Variants in RSPO2 observed in about 807,000 individuals in gnomAD.
The protein encoded by RSPO2 is R-spondin 2.
RSPO2 carries 14 observed loss-of-function variants against 30.9 expected under a neutral mutation model. The observed-to-expected ratio is 0.45, with a 90% CI of 0.30 to 0.71. The LOEUF (loss-of-function observed/expected upper bound fraction) is 0.71. Ranked by LOEUF, RSPO2 falls within the 30% of genes least tolerant of loss-of-function variation. The pLI is 0.08. For missense variants in RSPO2, 264 were observed against 301.9 expected (o/e 0.87, Z 0.93); for synonymous variants, 107 against 96.4 (o/e 1.11, Z -0.64).
chr8:108,081,439 A>G (rs140115465), intron 2 of RSPO2, among the ~76,000 whole-genome samples: 15 of 152,350 alleles, frequency 9.8e-5, no homozygotes, highest in African/African-American at 3.1e-4. Context: ...CCGGCGACAA[A>G]TTCTAATTGC....
At chr8:107,936,263 C>A (rs1451641407) in intron 5 of RSPO2, among the ~76,000 whole-genome samples, 3 of 152,206 alleles carry the variant, frequency 2.0e-5, no homozygotes, top group Admixed American at 6.5e-5. Context: ...CATGTTATTG[C>A]AAAATGATGA....
At chr8:108,060,104 C>T (rs531860891) in intron 2 of RSPO2, among the ~76,000 whole-genome samples, 21 of 151,814 alleles carry the variant, frequency 1.4e-4, no homozygotes, top group African/African-American at 4.4e-4. Flanking sequence ...CCAGCATGGT[C>T]GGAGCAGAAG....
intron 2 of RSPO2, among the ~76,000 whole-genome samples, chr8:108,022,790 T>C (rs1052863547): frequency 8.6e-5 from 13 of 151,942 alleles, no homozygotes; most frequent in African/African-American, 3.1e-4. Context: ...CCGGGCGTGG[T>C]GGCGCATGCC....
chr8:108,081,933 C>T, intron 2 of RSPO2: 1 of 983,354 alleles, frequency 1.0e-6, no homozygotes, highest in Non-Finnish European at 1.2e-6. Context: ...AAGTTCCCAT[C>T]TCGTCGCAGT....
chr8:107,949,875 T>A (rs1417936044), intron 5 of RSPO2, among the ~76,000 whole-genome samples: 2 of 152,334 alleles, frequency 1.3e-5, no homozygotes, highest in African/African-American at 4.8e-5. Flanking sequence ...ATGATTTTTT[T>A]AAAGTCCTGA....
In RSPO2 at chr8:107,899,536, A is replaced by C. The variant is rs1181487740; in HGVS notation, c.*1539T>G. 6.6e-6 allele frequency: 1 copy of C among 152,630 alleles called. No homozygotes were observed. The highest frequency in any genetic ancestry group is 1.5e-5 in the Non-Finnish European group (1 of 68,034). The allele number at this position is 152,630 out of a possible 1,614,324, so 9.5% of individuals were successfully genotyped here. ...CTTATTATCTCATAGCAATATTTTC[A>C]TAACGATGTATATGATATTTATCCT... On this transcript the variant is annotated 3_prime_UTR_variant, in exon 6 of 6. Transcript: ENST00000276659.
chr8:108,008,375 G>T (rs1279265725), intron 2 of RSPO2, among the ~76,000 whole-genome samples: 1 of 152,080 alleles, frequency 6.6e-6, no homozygotes, highest in Non-Finnish European at 1.5e-5. Flanking sequence ...ATCACTGTTG[G>T]GTAGCCTGTG....
intron 2 of RSPO2, among the ~76,000 whole-genome samples, chr8:108,021,444 T>C (rs1811054434): frequency 6.6e-6 from 1 of 152,200 alleles, no homozygotes; most frequent in Admixed American, 6.5e-5. Context: ...TCCTCCATAC[T>C]TAAGGCCCAT....
In RSPO2 at chr8:108,021,594, G is replaced by A. The variant is rs191404342; in HGVS notation, c.95-32350C>T. On this transcript the variant is annotated intron_variant, in intron 2 of 5. Transcript: ENST00000276659. ...GTGCTAATACCCTCCAGTGTGCTAG[G>A]GAGAAAAAGGGGGCATATCTTCCAC... Among the ~76,000 whole-genome samples, 545 of 152,140 alleles carry A rather than the reference G, an allele frequency of 3.6e-3. 8 individuals are homozygous for A. The highest frequency in any genetic ancestry group is 0.03 in the Admixed American group (463 of 15,294).
At chr8:108,056,868 C>G (rs1812264661) in intron 2 of RSPO2, among the ~76,000 whole-genome samples, 1 of 149,884 alleles carries the variant, frequency 6.7e-6, no homozygotes, top group Non-Finnish European at 1.5e-5. Context: ...CCAACCTGGC[C>G]AACATGGTGA....
intron 3 of RSPO2, chr8:107,982,999 C>T: frequency 1.5e-6 from 1 of 645,654 alleles, no homozygotes; most frequent in Non-Finnish European, 2.5e-6. Context: ...ACGACTGGCT[C>T]CTGGGGTGCA....
intron 2 of RSPO2, among the ~76,000 whole-genome samples, chr8:108,013,670 C>A (rs1020631095): frequency 6.6e-6 from 1 of 152,050 alleles, no homozygotes; most frequent in African/African-American, 2.4e-5. Context: ...GAAATTGGAC[C>A]CCTTCCTTAC....
chr8:107,962,591 T>C (rs557578874), intron 3 of RSPO2, among the ~76,000 whole-genome samples: 7 of 152,176 alleles, frequency 4.6e-5, no homozygotes, highest in Non-Finnish European at 7.4e-5. Flanking sequence ...CTGTAACCTA[T>C]ATTTTAATAA....
At chr8:108,081,799 T>C in intron 2 of RSPO2, 1 of 511,900 alleles carries the variant, frequency 2.0e-6, no homozygotes, top group Non-Finnish European at 2.5e-6. Context: ...AACAGAAGCC[T>C]CCACCGGTGT....
intron 3 of RSPO2, among the ~76,000 whole-genome samples, chr8:107,968,322 T>A (rs1188792835): frequency 6.6e-5 from 10 of 152,028 alleles, no homozygotes; most frequent in Admixed American, 5.9e-4. Context: ...TGGGGGACAT[T>A]ATGTTAAGTG....
intron 2 of RSPO2, among the ~76,000 whole-genome samples, chr8:108,043,516 C>G (rs1320744850): frequency 6.6e-6 from 1 of 151,720 alleles, no homozygotes; most frequent in African/African-American, 2.4e-5. Flanking sequence ...AAAATTGTGT[C>G]TACTCTTTTG....
chr8:108,006,593 T>C (rs963688748), intron 2 of RSPO2, among the ~76,000 whole-genome samples: 133 of 151,342 alleles, frequency 8.8e-4, no homozygotes, highest in African/African-American at 2.9e-3. Flanking sequence ...TTTTTAATAC[T>C]GGCAAACTGA....
chr8:107,923,015 G>T (rs1812230684), intron 5 of RSPO2, among the ~76,000 whole-genome samples: 2 of 152,028 alleles, frequency 1.3e-5, no homozygotes, highest in South Asian at 4.1e-4. Flanking sequence ...CTGGACATAG[G>T]AACAGGCAAA....
chr8:108,034,232 G>A (rs1427931748), intron 2 of RSPO2, among the ~76,000 whole-genome samples: 4 of 151,958 alleles, frequency 2.6e-5, no homozygotes, highest in African/African-American at 9.7e-5. Flanking sequence ...AATTACATAA[G>A]GAATAAAGTG....
Sources: allele counts gnomAD v4.1 joint callset (sites outside exome capture counted in the v4.1 genomes callset), GRCh38; gene constraint gnomAD v4.1.1; transcripts MANE v1.5; gene names NCBI Gene and HGNC (gene_info 2026-07-23, HGNC 2026-07-21).